Variants in CNTN4 observed in about 807,000 individuals in gnomAD.
The protein encoded by CNTN4 is contactin 4, also known as contactin-4.
A neutral mutation model predicts 122.5 loss-of-function variants in CNTN4; 77 were observed. The ratio of observed to expected loss-of-function variants is 0.63; its 90% CI spans 0.52 to 0.76. The LOEUF (loss-of-function observed/expected upper bound fraction) is 0.76, where lower values mean the gene tolerates loss of function less well. Among genes scored for constraint, CNTN4 ranks in the 30% least tolerant of loss-of-function variants. The probability of loss-of-function intolerance (pLI) is 0.00; values close to 1 mark genes in which losing one functional copy is unlikely to be tolerated. For missense variants in CNTN4, 1,256 were observed against 1,259.1 expected (o/e 1.00, Z 0.04); for synonymous variants, 512 against 447.0 (o/e 1.15, Z -1.83).
intron 2 of CNTN4, among the ~76,000 whole-genome samples, chr3:2,242,497 G>C (rs2039981076): frequency 6.6e-6 from 1 of 152,076 alleles, no homozygotes; most frequent in African/African-American, 2.4e-5. Flanking sequence ...TTGTTACATA[G>C]GTAAATGTGA....
chr3:2,361,720 GAA>G lies in CNTN4; in HGVS notation c.-89+22489_-89+22490del. ...ATATTTTCTACCTAAAAAAGCTGAAGAAATAACTTCTCTTGTACTATTGTGTG... is the reference window on the plus strand; with the variant it reads ...ATATTTTCTACCTAAAAAAGCTGAAGATAACTTCTCTTGTACTATTGTGTG... On this transcript the variant is annotated intron_variant, in intron 3 of 24. Coordinates refer to ENST00000418658, the MANE Select transcript of CNTN4 (RefSeq NM_175607.3). Among the ~76,000 whole-genome samples, 2 of 152,234 alleles carry G rather than the reference GAA, an allele frequency of 1.3e-5. 1 individual carries two copies.
intron 8 of CNTN4, among the ~76,000 whole-genome samples, chr3:2,881,756 C>G (rs1011348154): frequency 5.2e-5 from 7 of 134,836 alleles, no homozygotes; most frequent in African/African-American, 2.0e-4. Context: ...GAAATCATTT[C>G]TCTTTGTGAT....
rs187260997 is a variant in CNTN4, at chr3:2,648,553, G to A, written c.55+76995G>A. On this transcript the variant is annotated intron_variant, in intron 4 of 24. Transcript: ENST00000418658. The stretch of plus-strand genomic sequence containing the variant: ...ATGAACCGCACCCATATAAGACGAA[G>A]AACTTAATCGATCAATGTTGTACTC... Among the ~76,000 whole-genome samples, 123 of 152,210 alleles carry A rather than the reference G, an allele frequency of 8.1e-4. 1 individual carries two copies. The highest frequency in any genetic ancestry group is 6.8e-3 in the Middle Eastern group (2 of 294).
chr3:2,372,853 G>C (rs1177787503), intron 3 of CNTN4, among the ~76,000 whole-genome samples: 2 of 152,032 alleles, frequency 1.3e-5, no homozygotes, highest in South Asian at 2.1e-4. Flanking sequence ...TTTGAGACCA[G>C]CCTGGCCAAC....
intron 2 of CNTN4, among the ~76,000 whole-genome samples, chr3:2,107,545 C>T (rs2032553060): frequency 6.6e-6 from 1 of 152,120 alleles, no homozygotes; most frequent in South Asian, 2.1e-4. Context: ...GATCCAGTCA[C>T]CTCCCAATCA....
chr3:2,795,906 A>G, intron 6 of CNTN4, among the ~76,000 whole-genome samples: 1 of 152,286 alleles, frequency 6.6e-6, no homozygotes, highest in Non-Finnish European at 1.5e-5. Flanking sequence ...AATATATAAC[A>G]TTTGATTGTG....
chr3:2,224,604 G>A (rs1202596308), intron 2 of CNTN4, among the ~76,000 whole-genome samples: 2 of 152,198 alleles, frequency 1.3e-5, no homozygotes, highest in Non-Finnish European at 1.5e-5. Context: ...GAATCTCTGA[G>A]TAGAGGTCTG....
At chr3:2,105,157 G>A (rs916523064) in intron 2 of CNTN4, among the ~76,000 whole-genome samples, 30 of 152,278 alleles carry the variant, frequency 2.0e-4, no homozygotes, top group African/African-American at 7.2e-4. Flanking sequence ...TAGATAAGGA[G>A]ATTAGAACCA....
intron 14 of CNTN4, among the ~76,000 whole-genome samples, chr3:3,014,474 G>A (rs1697550928): frequency 6.6e-6 from 1 of 152,046 alleles, no homozygotes; most frequent in African/African-American, 2.4e-5. Flanking sequence ...CCCAACAAAG[G>A]GTTTCTATTT....
At chr3:3,034,460 A>C (rs570485644) in intron 16 of CNTN4, among the ~76,000 whole-genome samples, 172 bp from the exon 17 acceptor site, 2 of 152,300 alleles carry the variant, frequency 1.3e-5, no homozygotes, top group Admixed American at 6.5e-5. Flanking sequence ...TGTGGTTTCC[A>C]AGCCCAGGAA....
chr3:2,518,040 A>G (rs972484112), intron 3 of CNTN4, among the ~76,000 whole-genome samples: 3 of 152,120 alleles, frequency 2.0e-5, no homozygotes, highest in African/African-American at 7.2e-5. Context: ...AGGAATCCAC[A>G]AGGGTATTCG....
intron 8 of CNTN4, among the ~76,000 whole-genome samples, chr3:2,870,130 C>T (rs2093768245): frequency 6.6e-6 from 1 of 152,190 alleles, no homozygotes; most frequent in Non-Finnish European, 1.5e-5. Context: ...AAACAAGAAA[C>T]AAACATTCAG....
In CNTN4 at chr3:2,240,400, GTAT is replaced by G. The variant is rs1310540753; in HGVS notation, c.-144-98773_-144-98771del. On this transcript the variant is annotated intron_variant, in intron 2 of 24. Coordinates refer to ENST00000418658, the MANE Select transcript of CNTN4 (RefSeq NM_175607.3). ...AAATGCTCCTTTTGTTCCTGTTTAT[GTAT>G]TATTTTAAGCTCGTTTTTCCAAATA... is the stretch of plus-strand genomic sequence containing the variant. Among the ~76,000 whole-genome samples, 22 of 152,064 alleles carry G rather than the reference GTAT, an allele frequency of 1.4e-4. No homozygotes were observed. In the East Asian group the frequency reaches 3.7e-3, roughly 25 times the overall value.
chr3:2,361,607 C>T (rs901717789), intron 3 of CNTN4, among the ~76,000 whole-genome samples: 5 of 152,116 alleles, frequency 3.3e-5, no homozygotes, highest in African/African-American at 1.2e-4. Flanking sequence ...ATGTGTTTAT[C>T]CAACTGTATT....
At chr3:2,163,645 G>GAA (rs898971098) in intron 2 of CNTN4, among the ~76,000 whole-genome samples, 1 of 143,142 alleles carries the variant, frequency 7.0e-6, no homozygotes, top group Non-Finnish European at 1.5e-5. Flanking sequence ...AGGAACTCAA[G>GAA]AAAAAAAAAA....
intron 8 of CNTN4, among the ~76,000 whole-genome samples, chr3:2,879,161 A>C (rs68102126): frequency 0.24 from 36,688 of 152,116 alleles, 4,691 homozygotes; most frequent in Middle Eastern, 0.34. Flanking sequence ...ATCCAATATG[A>C]CTGGTGTCCT....
chr3:3,050,032 A>C (rs965553026), intron 23 of CNTN4, among the ~76,000 whole-genome samples: 1 of 152,162 alleles, frequency 6.6e-6, no homozygotes, highest in Non-Finnish European at 1.5e-5. Context: ...TGGGAGGGAG[A>C]GGGATAGAGA....
intron 6 of CNTN4, among the ~76,000 whole-genome samples, chr3:2,769,229 C>G (rs542265792): frequency 1.3e-5 from 2 of 151,816 alleles, no homozygotes; most frequent in Non-Finnish European, 2.9e-5. Context: ...TTTGGGAGGC[C>G]GAGGCGGGCA....
intron 2 of CNTN4, among the ~76,000 whole-genome samples, chr3:2,241,753 A>G (rs1230446235): frequency 2.0e-5 from 3 of 152,178 alleles, no homozygotes; most frequent in African/African-American, 4.8e-5. Context: ...GACACAAGTC[A>G]TGCTCTTCTA....
Sources: allele counts gnomAD v4.1 joint callset (sites outside exome capture counted in the v4.1 genomes callset), GRCh38; gene constraint gnomAD v4.1.1; transcripts MANE v1.5; gene names NCBI Gene and HGNC (gene_info 2026-07-23, HGNC 2026-07-21).